Variants in SDC2 observed in about 807,000 individuals in gnomAD.
SDC2 encodes syndecan-2.
Under a neutral mutation model 22.2 loss-of-function variants are expected in SDC2, and 13 were observed. The observed-to-expected ratio is 0.59, with a 90% confidence interval of 0.38 to 0.93. The LOEUF (loss-of-function observed/expected upper bound fraction) is 0.93. Ranked by LOEUF, SDC2 falls within the 40% of genes least tolerant of loss-of-function variation. The pLI is 0.00. For synonymous variants in SDC2, 94 were observed against 92.8 expected (o/e 1.01, Z -0.07); for missense variants, 235 against 246.8 (o/e 0.95, Z 0.32).
chr8:96,505,158 CCT>C (rs1461800482), intron 1 of SDC2, among the ~76,000 whole-genome samples: 14 of 152,116 alleles, frequency 9.2e-5, no homozygotes, highest in Admixed American at 7.2e-4. Flanking sequence ...TTGTATTTCC[CCT>C]GTCACCCATA....
At chr8:96,568,706 C>A (rs1814340777) in intron 1 of SDC2, among the ~76,000 whole-genome samples, 1 of 152,142 alleles carries the variant, frequency 6.6e-6, no homozygotes, top group African/African-American at 2.4e-5. Flanking sequence ...TTAGTGCAGC[C>A]CTGTCTAGGA....
chr8:96,507,789 A>G lies in SDC2; in HGVS notation c.60+13458A>G, dbSNP rs1813264601. On this transcript the variant is annotated intron_variant, in intron 1 of 4. Coordinates refer to ENST00000302190, the MANE Select transcript of SDC2 (RefSeq NM_002998.4). ...TTCCAGGAGAGAGTCTGATGCACTT[A>G]CAGCCCAGGTAGAAGTGCTTTTTTA... 1.3e-5 allele frequency among the ~76,000 whole-genome samples: 2 copies of G among 152,242 alleles called. 1 individual carries two copies. The highest frequency in any genetic ancestry group is 4.1e-4 in the South Asian group (2 of 4,838).
chr8:96,511,337 C>T (rs1813324102), intron 1 of SDC2, among the ~76,000 whole-genome samples: 1 of 152,130 alleles, frequency 6.6e-6, no homozygotes, highest in Non-Finnish European at 1.5e-5. Context: ...ATGAGGGTCC[C>T]AGACCAGCAG....
intron 1 of SDC2, among the ~76,000 whole-genome samples, chr8:96,511,789 A>ATTT (rs548532271): frequency 1.2e-4 from 17 of 138,910 alleles, no homozygotes; most frequent in African/African-American, 4.1e-4. Flanking sequence ...GGCTTATGTG[A>ATTT]TTTTTTTTTT....
At chr8:96,582,864 G>A (rs1292862180) in intron 1 of SDC2, among the ~76,000 whole-genome samples, 1 of 152,154 alleles carries the variant, frequency 6.6e-6, no homozygotes, top group African/African-American at 2.4e-5. Context: ...ACATGGAGTG[G>A]CTTCCTCCAC....
intron 1 of SDC2, among the ~76,000 whole-genome samples, chr8:96,545,072 C>T (rs139377231): frequency 6.2e-4 from 95 of 152,320 alleles, no homozygotes; most frequent in African/African-American, 2.1e-3. Flanking sequence ...TAAGCTGCAG[C>T]ACAGCTGTCC....
At chr8:96,528,499 A>T (rs1398333856) in intron 1 of SDC2, among the ~76,000 whole-genome samples, 1 of 152,232 alleles carries the variant, frequency 6.6e-6, no homozygotes, top group Non-Finnish European at 1.5e-5. Flanking sequence ...AACACTTTCT[A>T]AAAGGAAAAA....
intron 1 of SDC2, among the ~76,000 whole-genome samples, chr8:96,556,605 C>T (rs1029484158): frequency 1.2e-3 from 180 of 151,838 alleles, no homozygotes; most frequent in African/African-American, 4.2e-3. Flanking sequence ...CTTCCTTACA[C>T]CTTATACAAA....
intron 1 of SDC2, among the ~76,000 whole-genome samples, chr8:96,543,111 C>T (rs575459389): frequency 1.6e-4 from 25 of 152,200 alleles, no homozygotes; most frequent in African/African-American, 6.0e-4. Flanking sequence ...ATAAGCTAGT[C>T]TAATAAGTTA....
At chr8:96,565,365 G>A (rs1374628005) in intron 1 of SDC2, among the ~76,000 whole-genome samples, 3 of 151,944 alleles carry the variant, frequency 2.0e-5, no homozygotes, top group East Asian at 1.9e-4. Context: ...GATTACAGGC[G>A]TGAGCCACCG....
chr8:96,578,890 C>G (rs1175676136), intron 1 of SDC2, among the ~76,000 whole-genome samples: 1 of 152,196 alleles, frequency 6.6e-6, no homozygotes, highest in African/African-American at 2.4e-5. Flanking sequence ...AACTTCCCAA[C>G]TAATAAATTT....
intron 3 of SDC2, among the ~76,000 whole-genome samples, chr8:96,607,983 G>A (rs1815110935): frequency 6.6e-6 from 1 of 152,138 alleles, no homozygotes; most frequent in African/African-American, 2.4e-5. Context: ...CAGTGCTGTT[G>A]GGTTGGAGCA....
At chr8:96,499,667 C>T (rs916112975) in intron 1 of SDC2, among the ~76,000 whole-genome samples, 1 of 151,910 alleles carries the variant, frequency 6.6e-6, no homozygotes. Context: ...GCCTTTATAA[C>T]ATGACTGTTG....
intron 1 of SDC2, among the ~76,000 whole-genome samples, chr8:96,551,495 C>T (rs1031470200): frequency 2.0e-4 from 30 of 151,994 alleles, no homozygotes; most frequent in African/African-American, 6.8e-4. Flanking sequence ...TATTATTAGC[C>T]CTAGTTTACA....
chr8:96,589,815 T>C (rs1409511533), intron 1 of SDC2, among the ~76,000 whole-genome samples: 1 of 152,166 alleles, frequency 6.6e-6, no homozygotes, highest in Admixed American at 6.5e-5. Context: ...CTGCATCGAA[T>C]GGCTTCAAAG....
intron 1 of SDC2, among the ~76,000 whole-genome samples, chr8:96,542,850 A>G (rs62516093): frequency 0.13 from 19,243 of 152,154 alleles, 1,535 homozygotes; most frequent in Middle Eastern, 0.2. Flanking sequence ...TTTAATACCT[A>G]TTTGCCTGGA....
At chr8:96,591,939 C>T (rs1405244619) in intron 1 of SDC2, among the ~76,000 whole-genome samples, 2 of 152,158 alleles carry the variant, frequency 1.3e-5, no homozygotes, top group African/African-American at 4.8e-5. Context: ...GAACACAGGG[C>T]TCCTGACACA....
At chr8:96,524,925 G>A (rs777164105) in intron 1 of SDC2, among the ~76,000 whole-genome samples, 1 of 152,152 alleles carries the variant, frequency 6.6e-6, no homozygotes, top group Non-Finnish European at 1.5e-5. Flanking sequence ...GGGTTTATCA[G>A]TTGCAGTTTT....
chr8:96,525,041 G>T (rs150121456), intron 1 of SDC2, among the ~76,000 whole-genome samples: 76 of 152,306 alleles, frequency 5.0e-4, no homozygotes, highest in African/African-American at 1.8e-3. Context: ...TCACAATAAT[G>T]TAAAATCGTA....
Sources: gnomAD v4.1 joint callset for allele counts (sites outside exome capture counted in the v4.1 genomes callset) on GRCh38, gnomAD v4.1.1 for gene constraint, MANE v1.5 for transcripts, NCBI Gene and HGNC (gene_info 2026-07-23, HGNC 2026-07-21) for gene names.